PCDHA3: variants seen among roughly 807,000 people sequenced by gnomAD.
The protein encoded by PCDHA3 is protocadherin alpha 3, also known as protocadherin alpha-3.
Under a neutral mutation model 62.2 loss-of-function variants are expected in PCDHA3, and 41 were observed. The observed-to-expected ratio is 0.66, with a 90% CI of 0.51 to 0.86. The LOEUF (loss-of-function observed/expected upper bound fraction) is 0.86, where lower values mean the gene tolerates loss of function less well. Ranked by LOEUF, PCDHA3 falls within the 40% of genes least tolerant of loss-of-function variation. PCDHA3 has a pLI of 0.00. For synonymous variants in PCDHA3, 640 were observed against 555.4 expected (o/e 1.15, Z -2.14); for missense variants, 1,304 against 1,241.2 (o/e 1.05, Z -0.76).
intron 1 of PCDHA3, chr5:140,968,146 T>C: frequency 6.2e-7 from 1 of 1,614,140 alleles, no homozygotes. Flanking sequence ...TTGAGATCTC[T>C]GACATCAATG....
At chr5:140,938,278 G>A (rs1394435028) in intron 1 of PCDHA3, among the ~76,000 whole-genome samples, 1 of 152,090 alleles carries the variant, frequency 6.6e-6, no homozygotes, top group African/African-American at 2.4e-5. Context: ...TAGTTTTCTT[G>A]CTTTCTGTCA....
intron 1 of PCDHA3, chr5:140,882,287 G>A (rs1289206552): frequency 3.1e-6 from 5 of 1,613,126 alleles, no homozygotes; most frequent in African/African-American, 1.3e-5. Context: ...TTCCTGGCAA[G>A]GAGGCCCAAG....
chr5:140,929,071 T>C, intron 1 of PCDHA3: 1 of 1,614,122 alleles, frequency 6.2e-7, no homozygotes, highest in South Asian at 1.1e-5. Flanking sequence ...GGATCTGAGG[T>C]ATGGAAGTAA....
intron 3 of PCDHA3, 32 bp downstream of exon 3, chr5:140,982,595 G>A (rs1554244629): frequency 6.2e-7 from 1 of 1,609,520 alleles, no homozygotes; most frequent in Non-Finnish European, 8.5e-7. Flanking sequence ...ATTCTTTCTT[G>A]GTTTCTGGAA....
chr5:140,938,207 A>G (rs782001361), intron 1 of PCDHA3, among the ~76,000 whole-genome samples: 6 of 152,112 alleles, frequency 3.9e-5, no homozygotes, highest in Non-Finnish European at 8.8e-5. Flanking sequence ...CAGCCTCCCA[A>G]AGTGCTGGGA....
intron 1 of PCDHA3, among the ~76,000 whole-genome samples, chr5:140,892,021 G>A (rs2063355611): frequency 6.6e-6 from 1 of 152,160 alleles, no homozygotes; most frequent in Admixed American, 6.5e-5. Context: ...AGCACAAATG[G>A]TCTAAGATAC....
chr5:140,914,933 T>C (rs1025071911), intron 1 of PCDHA3, among the ~76,000 whole-genome samples: 1 of 149,146 alleles, frequency 6.7e-6, no homozygotes, highest in Non-Finnish European at 1.5e-5. Flanking sequence ...TACTATGTTG[T>C]GAAAAGTTGT....
chr5:140,895,500 G>A (rs1554186539), intron 1 of PCDHA3, among the ~76,000 whole-genome samples: 2 of 152,046 alleles, frequency 1.3e-5, no homozygotes, highest in African/African-American at 2.4e-5. Context: ...CAGAACTTTT[G>A]CCCAATTTTT....
At chr5:140,807,899 A>C (rs1391356364) in intron 1 of PCDHA3, 3 of 1,614,010 alleles carry the variant, frequency 1.9e-6, no homozygotes, top group Non-Finnish European at 2.5e-6. Context: ...TGCCAATGAC[A>C]ATGCCCCAGC....
At chr5:140,832,603 C>G (rs2150202757) in intron 1 of PCDHA3, among the ~76,000 whole-genome samples, 1 of 152,244 alleles carries the variant, frequency 6.6e-6, no homozygotes, top group South Asian at 2.1e-4. Context: ...TATAGCGTTG[C>G]TAGTGAGTAA....
intron 1 of PCDHA3, among the ~76,000 whole-genome samples, chr5:140,934,664 T>G (rs1268113575): frequency 1.3e-5 from 2 of 152,176 alleles, no homozygotes; most frequent in Admixed American, 6.5e-5. Flanking sequence ...TCTTCCCCTT[T>G]GTTTAGCAGT....
chr5:140,823,699 C>T lies in PCDHA3; in HGVS notation c.2394+20108C>T, dbSNP rs1377406671. The T allele has an allele frequency of 1.9e-6, 3 of 1,613,816 alleles. No homozygotes were observed. In the African/African-American group the frequency reaches 4.0e-5, roughly 22 times the overall value. ...ACGCTCTCTGGATGAGACCGAAGCA[C>T]CGCGCCACCGCCTTCTGGTGCTGGT... On this transcript the variant is annotated intron_variant, in intron 1 of 3. Coordinates refer to ENST00000522353, the MANE Select transcript of PCDHA3 (RefSeq NM_018906.3).
chr5:140,916,193 C>T lies in PCDHA3; in HGVS notation c.2395-62756C>T, dbSNP rs536117096. On this transcript the variant is annotated intron_variant, in intron 1 of 3. Transcript: ENST00000522353. ...CTGGGACTCTTCAAGGAAGTGGGCACCCCTCTGCCCTGGGGAAGATCCAAA... is the reference window on the plus strand; with the variant it reads ...CTGGGACTCTTCAAGGAAGTGGGCATCCCTCTGCCCTGGGGAAGATCCAAA... 1.6e-4 allele frequency among the ~76,000 whole-genome samples: 25 copies of T among 152,256 alleles called. No individual in the cohort carries two copies. In the South Asian group the frequency reaches 5.0e-3, roughly 30 times the overall value.
intron 3 of PCDHA3, among the ~76,000 whole-genome samples, chr5:140,989,557 G>A (rs933151682): frequency 6.6e-6 from 1 of 152,166 alleles, no homozygotes; most frequent in Non-Finnish European, 1.5e-5. Context: ...TTTACGTTTT[G>A]TGGCTCCGGC....
chr5:140,825,736 G>C (rs1270794593), intron 1 of PCDHA3: 2 of 152,316 alleles, frequency 1.3e-5, no homozygotes, highest in Non-Finnish European at 2.9e-5. Flanking sequence ...TTATTATATT[G>C]ATGAGGAGTA....
chr5:140,813,370 T>G (rs2126646092), intron 1 of PCDHA3: 1 of 152,336 alleles, frequency 6.6e-6, no homozygotes, highest in East Asian at 1.9e-4. Context: ...ACTACAGACC[T>G]AGGTTACATG....
intron 1 of PCDHA3, chr5:140,830,232 C>A (rs2150183147): frequency 1.2e-6 from 2 of 1,613,928 alleles, no homozygotes; most frequent in East Asian, 2.2e-5. Context: ...CTGGTCCTCA[C>A]GCTACTGCTG....
chr5:140,829,602 T>C, intron 1 of PCDHA3: 1 of 1,612,054 alleles, frequency 6.2e-7, no homozygotes, highest in Non-Finnish European at 8.5e-7. Flanking sequence ...GAGCGCGCGT[T>C]GTCGAGCTAC....
At chr5:140,803,689 A>G in intron 1 of PCDHA3, 98 bp downstream of exon 1, 1 of 1,560,856 alleles carries the variant, frequency 6.4e-7, no homozygotes, top group Non-Finnish European at 8.7e-7. Flanking sequence ...AGTATGAATT[A>G]TGTGATTCAT....
Sources: gnomAD v4.1 joint callset for allele counts (sites outside exome capture counted in the v4.1 genomes callset) on GRCh38, gnomAD v4.1.1 for gene constraint, MANE v1.5 for transcripts, NCBI Gene and HGNC (gene_info 2026-07-23, HGNC 2026-07-21) for gene names.